Variants in FOSL2 observed in about 807,000 individuals in gnomAD.
FOSL2 encodes the protein fos-related antigen 2.
A neutral mutation model predicts 27.7 loss-of-function variants in FOSL2; 3 were observed. That is an observed-to-expected ratio of 0.11 (90% confidence interval 0.05 to 0.28). The LOEUF is 0.28. Ranked by LOEUF, FOSL2 falls within the 10% of genes least tolerant of loss-of-function variation. The pLI is 1.00. For missense variants in FOSL2, 333 were observed against 445.1 expected (o/e 0.75, Z 2.27); for synonymous variants, 179 against 190.1 (o/e 0.94, Z 0.48).
Position 28,416,143 on chromosome 2 carries a change from T to C in FOSL2, c.*3695T>C, listed in dbSNP as rs1187232348. 2 of 152,116 alleles carry C rather than the reference T, an allele frequency of 1.3e-5. No homozygotes were observed. The highest frequency in any genetic ancestry group is 2.9e-5 in the Non-Finnish European group (2 of 68,030). The allele number at this position is 152,116 out of a possible 1,614,324, so 9.4% of individuals were successfully genotyped here. A position where few individuals can be genotyped will look rare whatever the true frequency, so the allele number is the denominator to read the frequency against. Reference sequence around the variant, plus strand: ...GTTGGGCTGTGTGTGTGCGCATGTGTGTATACATTTCCAGGCGTGCCTGTG... The same window carrying C: ...GTTGGGCTGTGTGTGTGCGCATGTGCGTATACATTTCCAGGCGTGCCTGTG... On this transcript the variant is annotated 3_prime_UTR_variant, in exon 4 of 4. Coordinates refer to ENST00000264716, the MANE Select transcript of FOSL2 (RefSeq NM_005253.4).
chr2:28,393,018 A>AG lies in FOSL2; in HGVS notation c.-699dup. The AG allele has an allele frequency of 1.6e-6, 1 of 611,158 alleles. No individual in the cohort carries two copies. Among genetic ancestry groups the AG allele is most frequent in the Non-Finnish European group, 3.0e-6 (1 of 331,946 alleles). 37.9% of individuals were successfully genotyped at this position (611,158 alleles called of 1,614,324 possible). On this transcript the variant is annotated 5_prime_UTR_variant, in exon 1 of 4. Transcript: ENST00000264716. This position sits in a 1 kb window ranked among gnomAD's most constrained non-coding sequence, Gnocchi z 4.6. ...CCCGTCCGGGAGCGGGCTCCGGGGA[A>AG]GGGGTGCGGGTCTGGGCGCCGGAGC... is the stretch of plus-strand genomic sequence containing the variant.
rs1405918242 is a variant in FOSL2, at chr2:28,413,545, A to C, written c.*1097A>C. The C allele has an allele frequency of 2.5e-6, 1 of 398,606 alleles. No homozygotes were observed. Among genetic ancestry groups the C allele is most frequent in the Admixed American group, 4.4e-5 (1 of 22,716 alleles). The allele number at this position is 398,606 out of a possible 1,614,324, so 24.7% of individuals were successfully genotyped here. On this transcript the variant is annotated 3_prime_UTR_variant, in exon 4 of 4. Transcript: ENST00000264716. ...CAGGCAGCCCCTCCCCAAGCCTCAAAGAAGCATTTGCTGAGGATGGAGAGG... is the reference window on the plus strand; with the variant it reads ...CAGGCAGCCCCTCCCCAAGCCTCAACGAAGCATTTGCTGAGGATGGAGAGG...
rs767217728 is a variant in FOSL2 at position 28,404,463 on chromosome 2, G to A, written c.354+105G>A. The stretch of plus-strand genomic sequence containing the variant: ...GGGAGGGTTAATGTTCTGAGAGCAG[G>A]GGAGACAAGGGAGCTAGGGGTCGAA... On this transcript the variant is annotated intron_variant, in intron 2 of 3. Coordinates refer to ENST00000264716, the MANE Select transcript of FOSL2 (RefSeq NM_005253.4). This position sits in a 1 kb window ranked among gnomAD's most constrained non-coding sequence, Gnocchi z 4.7. The A allele has an allele frequency of 1.5e-6, 2 of 1,368,320 alleles. No individual in the cohort carries two copies. Among genetic ancestry groups the A allele is most frequent in the Non-Finnish European group, 2.0e-6 (2 of 1,004,068 alleles). 84.8% of individuals were successfully genotyped at this position (1,368,320 alleles called of 1,614,324 possible).
rs765822837 is a variant in FOSL2 at position 28,412,073 on chromosome 2, A to G, written c.606A>G (p.Pro202=). ...GCCCCGAGGAGCGCCGATCGCCCCC[A>G]GCCCCTGGGCTGCAGCCCATGCGCA... ...KISPEERRSP[P]APGLQPMRSG... The change falls in exon 4 of 4, where the codon CCA becomes CCG. Residue 202 remains proline (P), a synonymous_variant. Transcript: ENST00000264716. This position sits in a 1 kb window ranked among gnomAD's most constrained non-coding sequence, Gnocchi z 7.1. The G allele has an allele frequency of 3.1e-6, 5 of 1,605,918 alleles. No homozygotes were observed. The South Asian group carries it at 5.5e-5, about 18-fold the overall frequency.
rs905855711 is a variant in FOSL2 at position 28,415,877 on chromosome 2, C to T, written c.*3429C>T. The T allele has an allele frequency of 4.6e-5, 7 of 152,156 alleles. No individual in the cohort carries two copies. Among genetic ancestry groups the T allele is most frequent in the Admixed American group, 3.3e-4 (5 of 15,270 alleles). The allele number at this position is 152,156 out of a possible 1,614,324, so 9.4% of individuals were successfully genotyped here. A position where few individuals can be genotyped will look rare whatever the true frequency, so the allele number is the denominator to read the frequency against. On this transcript the variant is annotated 3_prime_UTR_variant, in exon 4 of 4. Transcript: ENST00000264716. ...TTGCCTTCAGTCTGATGTTTGTTCT[C>T]AAGGACTTATCCCCTACAATATTCT... is the stretch of plus-strand genomic sequence containing the variant.
rs767171135 is a variant in FOSL2 at position 28,408,802 on chromosome 2, G to A, written c.398G>A (p.Arg133Lys). Residue 133 changes from arginine (R) to lysine (K), a missense_variant, in exon 3 of 4, where the codon AGG becomes AAG. Arg to Lys is a conservative substitution (Grantham distance 26). Coordinates refer to ENST00000264716, the MANE Select transcript of FOSL2 (RefSeq NM_005253.4). This position sits in a 1 kb window ranked among gnomAD's most constrained non-coding sequence, Gnocchi z 4.1. Reference sequence around the variant, plus strand: ...GAGAAGCGTCGCATCCGGCGGGAGAGGAACAAGCTGGCTGCAGCCAAGTGC... The same window carrying A: ...GAGAAGCGTCGCATCCGGCGGGAGAAGAACAAGCTGGCTGCAGCCAAGTGC... The part of the protein sequence containing the change: ...EEEKRRIRRE[R>K]NKLAAAKCRN... The A allele has an allele frequency of 2.0e-5, 32 of 1,612,200 alleles. No individual in the cohort carries two copies. Among genetic ancestry groups the A allele is most frequent in the Non-Finnish European group, 2.7e-5 (32 of 1,179,326 alleles).
rs749742908 is a variant in FOSL2, at chr2:28,411,915, C to T, written c.463-15C>T. 1.9e-6 allele frequency: 3 copies of T among 1,614,066 alleles called. No homozygotes were observed. The highest frequency in any genetic ancestry group is 4.5e-5 in the East Asian group (2 of 44,898). The stretch of plus-strand genomic sequence containing the variant: ...GCAGGTTGCTGTCCCTCACATCCCT[C>T]TCTTTCCGTGGCAGGAGACAGAGGA... On this transcript the variant is annotated splice_polypyrimidine_tract_variant and intron_variant, in intron 3 of 3. Transcript: ENST00000264716.
chr2:28,398,445 G>T (rs1663904350), intron 1 of FOSL2, among the ~76,000 whole-genome samples: 1 of 152,248 alleles, frequency 6.6e-6, no homozygotes, highest in Non-Finnish European at 1.5e-5. Flanking sequence ...CATTCCCATG[G>T]AGTACAGAGC....
chr2:28,398,086 T>C (rs1663892859), intron 1 of FOSL2, among the ~76,000 whole-genome samples: 1 of 152,156 alleles, frequency 6.6e-6, no homozygotes, highest in Non-Finnish European at 1.5e-5. Context: ...ATTTGTTAGA[T>C]AGGAATAAAG....
At position 28,392,901 on chromosome 2, in the gene FOSL2, CAGCG is replaced by C; in HGVS notation, c.-810_-807del. ...CAGAGCGCTAGGGCTCCGAGCGAACCAGCGAGCGAGCGAACGAGCGGCGCTCGGC... is the reference window on the plus strand; with the variant it reads ...CAGAGCGCTAGGGCTCCGAGCGAACCAGCGAGCGAACGAGCGGCGCTCGGC... On this transcript the variant is annotated 5_prime_UTR_variant, in exon 1 of 4. Coordinates refer to ENST00000264716, the MANE Select transcript of FOSL2 (RefSeq NM_005253.4). 2.8e-6 allele frequency: 2 copies of C among 714,172 alleles called. No homozygotes were observed. The highest frequency in any genetic ancestry group is 2.0e-5 in the Admixed American group (1 of 49,864). 44.2% of individuals were successfully genotyped at this position (714,172 alleles called of 1,614,324 possible). A position where few individuals can be genotyped will look rare whatever the true frequency, so the allele number is the denominator to read the frequency against.
intron 1 of FOSL2, among the ~76,000 whole-genome samples, chr2:28,401,630 G>A (rs920191218): frequency 4.6e-5 from 7 of 152,176 alleles, no homozygotes; most frequent in Admixed American, 4.6e-4. Flanking sequence ...CACACACTCA[G>A]CCATGCCTGC....
intron 1 of FOSL2, among the ~76,000 whole-genome samples, chr2:28,403,806 A>C (rs1017949705): frequency 2.0e-5 from 3 of 152,186 alleles, no homozygotes; most frequent in African/African-American, 4.8e-5. Context: ...GCTGGGGACC[A>C]CGTCTATCTT....
In FOSL2 at chr2:28,408,103, C is replaced by CA. The variant is rs1349902061; in HGVS notation, c.355-655dup. On this transcript the variant is annotated intron_variant, in intron 2 of 3. Coordinates refer to ENST00000264716, the MANE Select transcript of FOSL2 (RefSeq NM_005253.4). The surrounding 1 kb of genome is among the most constrained non-coding windows in gnomAD (Gnocchi z 4.1). ...CTTTTGCATGTCCTGTCCAACTTAG[C>CA]ACTGTACCAGGCATGTGGGGGAGTA... 1.3e-5 allele frequency among the ~76,000 whole-genome samples: 2 copies of CA among 152,196 alleles called. No homozygotes were observed. Among genetic ancestry groups the CA allele is most frequent in the Non-Finnish European group, 2.9e-5 (2 of 68,028 alleles).
Position 28,404,271 on chromosome 2 carries a change from C to G in FOSL2, c.267C>G (p.Ala89=). 1 of 1,614,200 alleles carries G rather than the reference C, an allele frequency of 6.2e-7. No individual in the cohort carries two copies. The highest frequency in any genetic ancestry group is 8.5e-7 in the Non-Finnish European group (1 of 1,180,032). The stretch of plus-strand genomic sequence containing the variant: ...CCTACAGCCCCCTGCCGGGCCTGGC[C>G]TCTGTCCCTGGACACATGGCCCTCC... The part of the protein sequence containing the change: ...SHPYSPLPGL[A]SVPGHMALPR... Residue 89 remains alanine, a synonymous_variant, in exon 2 of 4, where the codon GCC becomes GCG. Transcript: ENST00000264716. The surrounding 1 kb of genome is among the most constrained non-coding windows in gnomAD (Gnocchi z 4.7).
rs1664225857 is a variant in FOSL2, at chr2:28,412,511, A to G, written c.*63A>G. 1.3e-6 allele frequency: 2 copies of G among 1,548,444 alleles called. No individual in the cohort carries two copies. The highest frequency in any genetic ancestry group is 3.4e-4 in the Middle Eastern group (2 of 5,844). ...TCCTCGCTCCTCCTTCCCAGGGACC[A>G]GCACCTTCAAGCGCTCCAGGGCCGT... is the stretch of plus-strand genomic sequence containing the variant. On this transcript the variant is annotated 3_prime_UTR_variant, in exon 4 of 4. Transcript: ENST00000264716. This position sits in a 1 kb window ranked among gnomAD's most constrained non-coding sequence, Gnocchi z 7.1.
At position 28,403,899 on chromosome 2, in the gene FOSL2, G is replaced by A. The variant is rs578104081; in HGVS notation, c.103-208G>A. On this transcript the variant is annotated intron_variant, in intron 1 of 3. Coordinates refer to ENST00000264716, the MANE Select transcript of FOSL2 (RefSeq NM_005253.4). ...AGGACCCCAGTCAGGGAGCAGATCCGACGTGAAGCCCCAGGCATAATTAAG... is the reference window on the plus strand; with the variant it reads ...AGGACCCCAGTCAGGGAGCAGATCCAACGTGAAGCCCCAGGCATAATTAAG... Among the ~76,000 whole-genome samples the A allele has an allele frequency of 2.6e-5, 4 of 152,310 alleles. No individual in the cohort carries two copies. In the South Asian group the frequency reaches 8.3e-4, roughly 32 times the overall value.
intron 2 of FOSL2, among the ~76,000 whole-genome samples, chr2:28,405,730 GGGA>G (rs1174881820): frequency 1.5e-5 from 1 of 66,276 alleles, no homozygotes; most frequent in African/African-American, 4.3e-5. Context: ...GAGCCACTTG[GGGA>G]GGTGTGTCTG....
At position 28,412,383 on chromosome 2, in the gene FOSL2, A is replaced by G. The variant is rs1664223184; in HGVS notation, c.916A>G (p.Arg306Gly). 2.5e-6 allele frequency: 4 copies of G among 1,608,374 alleles called. No homozygotes were observed. Among genetic ancestry groups the G allele is most frequent in the Non-Finnish European group, 3.4e-6 (4 of 1,179,976 alleles). ...CGAATCCTGCTCCAAGGCTCACCGC[A>G]GAAGCAGTAGCAGCGGGGACCAATC... Reference protein sequence around the residue: ...PSESCSKAHRRSSSSGDQSSD... With the variant: ...PSESCSKAHRGSSSSGDQSSD... Residue 306 changes from arginine to glycine, a missense_variant, in exon 4 of 4, where the codon AGA becomes GGA. Arg to Gly is a moderately radical substitution (Grantham distance 125). This residue lies in a region of FOSL2 where 26 missense variants were observed against 59.3 expected (regional missense o/e 0.44). Coordinates refer to ENST00000264716, the MANE Select transcript of FOSL2 (RefSeq NM_005253.4). The surrounding 1 kb of genome is among the most constrained non-coding windows in gnomAD (Gnocchi z 7.1).
chr2:28,394,154 C>G lies in FOSL2; in HGVS notation c.102+332C>G, dbSNP rs1403524286. ...CAGTGTCTGCCCCCCCCCCCCCACC[C>G]CTGCCCCGCGTCTTCTCTCTGGGTG... On this transcript the variant is annotated intron_variant, in intron 1 of 3. Coordinates refer to ENST00000264716, the MANE Select transcript of FOSL2 (RefSeq NM_005253.4). Among the ~76,000 whole-genome samples, 4 of 136,212 alleles carry G rather than the reference C, an allele frequency of 2.9e-5. No homozygotes were observed. The South Asian group carries it at 9.8e-4, about 33-fold the overall frequency. 89.4% of individuals were successfully genotyped at this position (136,212 alleles called of 152,430 possible). A position where few individuals can be genotyped will look rare whatever the true frequency, so the allele number is the denominator to read the frequency against.
Sources: allele counts gnomAD v4.1 joint callset (sites outside exome capture counted in the v4.1 genomes callset), GRCh38; gene constraint gnomAD v4.1.1; regional missense constraint gnomAD v4.1.1; non-coding constraint Gnocchi (gnomAD v3.1); transcripts MANE v1.5; gene names NCBI Gene and HGNC (gene_info 2026-07-23, HGNC 2026-07-21).